PCDHA7: variants seen among roughly 807,000 people sequenced by gnomAD.
The protein encoded by PCDHA7 is protocadherin alpha-7.
In PCDHA7, 37 loss-of-function variants were observed where a neutral mutation model predicts 57.2. The observed-to-expected ratio is 0.65, with a 90% CI of 0.50 to 0.85. The LOEUF (loss-of-function observed/expected upper bound fraction) is 0.85. Ranked by LOEUF, PCDHA7 falls within the 40% of genes least tolerant of loss-of-function variation. The probability of loss-of-function intolerance (pLI) is 0.00; values close to 1 mark genes in which losing one functional copy is unlikely to be tolerated. For synonymous variants in PCDHA7, 553 were observed against 558.8 expected, an observed-to-expected ratio of 0.99 and a Z score of 0.15; for missense variants, 1,188 against 1,241.8, an observed-to-expected ratio of 0.96 and a Z score of 0.65.
At chr5:140,928,800 A>G (rs782641676) in intron 1 of PCDHA7, 6 of 1,614,098 alleles carry the variant, frequency 3.7e-6, no homozygotes, top group Non-Finnish European at 4.2e-6. Flanking sequence ...GGGTGGTGGT[A>G]GTGGTTCGGG....
intron 1 of PCDHA7, among the ~76,000 whole-genome samples, chr5:140,978,477 G>A (rs1362771671): frequency 6.6e-6 from 1 of 152,342 alleles, no homozygotes; most frequent in African/African-American, 2.4e-5. Context: ...ATATGCTGCA[G>A]TCTGCAAAGC....
intron 1 of PCDHA7, among the ~76,000 whole-genome samples, chr5:140,891,857 C>G (rs1202628035): frequency 6.6e-6 from 1 of 152,194 alleles, no homozygotes; most frequent in Non-Finnish European, 1.5e-5. Context: ...GCCTGTCCCT[C>G]TCTTATGCTT....
intron 1 of PCDHA7, chr5:140,882,471 C>A: frequency 6.2e-7 from 1 of 1,614,024 alleles, no homozygotes; most frequent in African/African-American, 1.3e-5. Flanking sequence ...CGGGTGGCGT[C>A]CAAAAGACAC....
At chr5:140,983,138 G>C (rs1217034245) in intron 3 of PCDHA7, among the ~76,000 whole-genome samples, 1 of 152,170 alleles carries the variant, frequency 6.6e-6, no homozygotes, top group Non-Finnish European at 1.5e-5. Flanking sequence ...CTGACTTTTA[G>C]TGCCTTGGCA....
At chr5:140,858,321 C>A in intron 1 of PCDHA7, 1 of 1,596,814 alleles carries the variant, frequency 6.3e-7, no homozygotes, top group Non-Finnish European at 8.6e-7. Flanking sequence ...AGGGTGTGTT[C>A]TGGGGAGGGC....
chr5:140,887,482 CT>C lies in PCDHA7; in HGVS notation c.2355+50746del, dbSNP rs2061466213. 4.6e-5 allele frequency among the ~76,000 whole-genome samples: 7 copies of C among 152,170 alleles called. 1 individual carries two copies. The highest frequency in any genetic ancestry group is 4.6e-4 in the Admixed American group (7 of 15,274). ...AAGATATAATTCAGTTGTCTTCTGG[CT>C]TGCATAGTTTCTAATAAGATGTTTG... On this transcript the variant is annotated intron_variant, in intron 1 of 3. Coordinates refer to ENST00000525929, the MANE Select transcript of PCDHA7 (RefSeq NM_018910.3).
chr5:140,909,493 G>A (rs989826667), intron 1 of PCDHA7, among the ~76,000 whole-genome samples: 2 of 152,184 alleles, frequency 1.3e-5, no homozygotes, highest in African/African-American at 4.8e-5. Context: ...AGAGCTGAAC[G>A]GGGATGTGGT....
Position 140,956,288 on chromosome 5 carries a change from C to A in PCDHA7, c.2356-22661C>A, listed in dbSNP as rs115259112. The stretch of plus-strand genomic sequence containing the variant: ...AGTGTGGTATTGGCTGTGGGTTTAT[C>A]ATATATATGGCTCTTATTATTTTGA... On this transcript the variant is annotated intron_variant, in intron 1 of 3. Transcript: ENST00000525929. Among the ~76,000 whole-genome samples, 994 of 152,174 alleles carry A rather than the reference C, an allele frequency of 6.5e-3. 6 individuals carry two copies. Among genetic ancestry groups the A allele is most frequent in the African/African-American group, 0.022 (916 of 41,532 alleles).
chr5:140,986,000 A>G (rs549071976), intron 3 of PCDHA7, among the ~76,000 whole-genome samples: 1 of 151,922 alleles, frequency 6.6e-6, no homozygotes, highest in Non-Finnish European at 1.5e-5. Flanking sequence ...CAGCCTCCCA[A>G]AGTGCTGGGA....
chr5:140,958,867 T>A (rs1312043891), intron 1 of PCDHA7, among the ~76,000 whole-genome samples: 1 of 152,146 alleles, frequency 6.6e-6, no homozygotes, highest in Admixed American at 6.5e-5. Context: ...ACTGGGTTTA[T>A]AAAAGAATTG....
chr5:140,922,072 A>G (rs1390677282), intron 1 of PCDHA7, among the ~76,000 whole-genome samples: 1 of 152,198 alleles, frequency 6.6e-6, no homozygotes. Flanking sequence ...AATCCCACTA[A>G]GCAAAAAGTG....
chr5:140,858,622 G>T, intron 1 of PCDHA7: 1 of 1,136,482 alleles, frequency 8.8e-7, no homozygotes, highest in Non-Finnish European at 1.2e-6. Flanking sequence ...ATCCTACCCA[G>T]TGTGTCAGCC....
At chr5:140,849,060 G>GT (rs1320977554) in intron 1 of PCDHA7, 2 of 1,548,996 alleles carry the variant, frequency 1.3e-6, no homozygotes, top group Non-Finnish European at 1.8e-6. Context: ...CAACCAGCAG[G>GT]TAAAACCTCT....
intron 1 of PCDHA7, chr5:140,843,480 C>T (rs2150360983): frequency 2.5e-6 from 4 of 1,596,022 alleles, no homozygotes; most frequent in East Asian, 2.2e-5. Context: ...CTGTACACTG[C>T]GCTGCGGTGC....
chr5:140,989,127 A>G (rs914524582), intron 3 of PCDHA7: 2 of 152,216 alleles, frequency 1.3e-5, no homozygotes, highest in Non-Finnish European at 2.9e-5. Context: ...TAGAAAAATA[A>G]GACACTTTAT....
In PCDHA7 at chr5:141,011,207, G is replaced by A. The variant is rs79928365; in HGVS notation, c.*1270G>A. On this transcript the variant is annotated 3_prime_UTR_variant, in exon 4 of 4. Coordinates refer to ENST00000525929, the MANE Select transcript of PCDHA7 (RefSeq NM_018910.3). Reference sequence around the variant, plus strand: ...GAAAAATATTGTTTTCTCATACAGTGAGCAGATTTTTCAATCTACTAATTC... The same window carrying A: ...GAAAAATATTGTTTTCTCATACAGTAAGCAGATTTTTCAATCTACTAATTC... 325 of 153,804 alleles carry A rather than the reference G, an allele frequency of 2.1e-3. 2 individuals are homozygous for A. The highest frequency in any genetic ancestry group is 7.1e-3 in the African/African-American group (293 of 41,546). 9.5% of individuals were successfully genotyped at this position (153,804 alleles called of 1,614,324 possible). A position where few individuals can be genotyped will look rare whatever the true frequency, so the allele number is the denominator to read the frequency against.
chr5:140,863,997 T>A (rs1186516549), intron 1 of PCDHA7: 1 of 152,666 alleles, frequency 6.6e-6, no homozygotes, highest in African/African-American at 2.4e-5. Context: ...TGAAACTCTG[T>A]CTTAAAAAAA....
At chr5:140,857,863 G>A in intron 1 of PCDHA7, 2 of 1,597,840 alleles carry the variant, frequency 1.3e-6, no homozygotes, top group Non-Finnish European at 8.6e-7. Flanking sequence ...ACAACGCGTG[G>A]CTGTCGTATG....
At chr5:140,884,344 G>C in intron 1 of PCDHA7, 1 of 1,613,904 alleles carries the variant, frequency 6.2e-7, no homozygotes, top group Non-Finnish European at 8.5e-7. Context: ...CAGAAGCGGC[G>C]CTGGTGGATG....
Sources: gnomAD v4.1 joint callset for allele counts (sites outside exome capture counted in the v4.1 genomes callset) on GRCh38, gnomAD v4.1.1 for gene constraint, MANE v1.5 for transcripts, NCBI Gene and HGNC (gene_info 2026-07-23, HGNC 2026-07-21) for gene names.